MECOM: variants seen among roughly 807,000 people sequenced by gnomAD.
MECOM encodes histone-lysine N-methyltransferase MECOM.
A neutral mutation model predicts 116.3 loss-of-function variants in MECOM; 13 were observed. That is an observed-to-expected ratio of 0.11 (90% CI 0.07 to 0.18). MECOM has a LOEUF of 0.18. MECOM is among the 10% of genes least tolerant of loss of function. The pLI is 1.00. For synonymous variants in MECOM, 528 were observed against 535.2 expected (o/e 0.99, Z 0.19); for missense variants, 1,299 against 1,509.0 (o/e 0.86, Z 2.31).
intron 1 of MECOM, among the ~76,000 whole-genome samples, chr3:169,575,093 A>G (rs1203690294): frequency 6.6e-6 from 1 of 152,178 alleles, no homozygotes; most frequent in Non-Finnish European, 1.5e-5. Flanking sequence ...TGGCCTTTGT[A>G]CTAAGGGAAA....
chr3:169,406,643 G>A (rs759662868), intron 1 of MECOM, among the ~76,000 whole-genome samples: 9 of 151,974 alleles, frequency 5.9e-5, no homozygotes, highest in African/African-American at 1.5e-4. Context: ...ACTCTCTTAC[G>A]CATTTTACAT....
intron 1 of MECOM, among the ~76,000 whole-genome samples, chr3:169,433,639 G>GAAAGAAAGAAAGAAAGAAAGAAAGAA (rs1553851603): frequency 7.9e-6 from 1 of 126,952 alleles, no homozygotes. Flanking sequence ...GAAAGAGAAA[G>GAAAGAAAGAAAGAAAGAAAGAAAGAA]AGAAAGAAAG....
chr3:169,556,647 C>T (rs1481436621), intron 1 of MECOM, among the ~76,000 whole-genome samples: 1 of 152,102 alleles, frequency 6.6e-6, no homozygotes, highest in African/African-American at 2.4e-5. Context: ...CAGTGTGTGA[C>T]CCAGAGACAA....
At chr3:169,438,547 G>A (rs1051583521) in intron 1 of MECOM, among the ~76,000 whole-genome samples, 3 of 152,188 alleles carry the variant, frequency 2.0e-5, no homozygotes, top group African/African-American at 7.2e-5. Flanking sequence ...ATTCCCATCA[G>A]TCATTTGTTG....
intron 1 of MECOM, among the ~76,000 whole-genome samples, chr3:169,406,355 T>C (rs182042214): frequency 1.3e-5 from 2 of 152,336 alleles, no homozygotes; most frequent in Admixed American, 6.5e-5. Flanking sequence ...AATTACTGAA[T>C]GCAGAGAGCC....
intron 1 of MECOM, among the ~76,000 whole-genome samples, chr3:169,497,653 C>T (rs941465502): frequency 1.3e-5 from 2 of 152,170 alleles, no homozygotes; most frequent in African/African-American, 4.8e-5. Context: ...ACACAGCTCC[C>T]GGCCAGTTTT....
At chr3:169,259,122 T>C (rs537020824) in intron 2 of MECOM, among the ~76,000 whole-genome samples, 1 of 152,316 alleles carries the variant, frequency 6.6e-6, no homozygotes, top group South Asian at 2.1e-4. Flanking sequence ...AGTTGTATTA[T>C]ATTTAACAGA....
intron 1 of MECOM, among the ~76,000 whole-genome samples, chr3:169,638,020 A>G (rs1773023518): frequency 6.6e-6 from 1 of 152,250 alleles, no homozygotes. Context: ...CTCATCAAGG[A>G]TGTCTCTCTG....
chr3:169,259,954 C>T (rs1399471073), intron 2 of MECOM, among the ~76,000 whole-genome samples: 2 of 152,084 alleles, frequency 1.3e-5, no homozygotes, highest in Non-Finnish European at 2.9e-5. Context: ...GACCCAGTTT[C>T]CTCCCCTGCA....
intron 1 of MECOM, among the ~76,000 whole-genome samples, chr3:169,610,612 T>G (rs1016712377): frequency 6.6e-6 from 1 of 151,996 alleles, no homozygotes; most frequent in East Asian, 1.9e-4. Flanking sequence ...GTAAGTATAA[T>G]AGATATTTCT....
At chr3:169,194,099 A>G (rs1667362868) in intron 2 of MECOM, among the ~76,000 whole-genome samples, 1 of 152,080 alleles carries the variant, frequency 6.6e-6, no homozygotes, top group Non-Finnish European at 1.5e-5. Flanking sequence ...AATGTAGCTT[A>G]TAAAATCAGT....
intron 2 of MECOM, among the ~76,000 whole-genome samples, chr3:169,163,207 A>AT (rs990996609): frequency 1.1e-4 from 16 of 152,064 alleles, no homozygotes; most frequent in Middle Eastern, 6.8e-3. Context: ...ATATCCATTC[A>AT]TTTTTTTTCT....
chr3:169,388,487 A>AT (rs1402142307), intron 1 of MECOM, among the ~76,000 whole-genome samples: 1 of 152,222 alleles, frequency 6.6e-6, no homozygotes, highest in Non-Finnish European at 1.5e-5. Context: ...AGATAATGAA[A>AT]TTTAAGATCC....
At chr3:169,094,578 C>G (rs1720909816) in intron 13 of MECOM, among the ~76,000 whole-genome samples, 1 of 152,170 alleles carries the variant, frequency 6.6e-6, no homozygotes, top group Non-Finnish European at 1.5e-5. Context: ...ATGGGTTGCT[C>G]TGATCATGTC....
intron 1 of MECOM, among the ~76,000 whole-genome samples, chr3:169,660,738 G>T (rs80267215): frequency 6.6e-6 from 1 of 152,252 alleles, no homozygotes; most frequent in East Asian, 1.9e-4. Flanking sequence ...CACCGCAGGG[G>T]TCACCAACCA....
intron 2 of MECOM, among the ~76,000 whole-genome samples, chr3:169,279,851 C>T (rs1711554305): frequency 6.6e-6 from 1 of 152,160 alleles, no homozygotes; most frequent in African/African-American, 2.4e-5. Flanking sequence ...CCCCCTTTGG[C>T]TATTGTCGTT....
At chr3:169,363,350 C>T (rs1393095750) in intron 2 of MECOM, among the ~76,000 whole-genome samples, 4 of 151,910 alleles carry the variant, frequency 2.6e-5, no homozygotes, top group Admixed American at 1.3e-4. Flanking sequence ...CCTGTGAAGG[C>T]TATATTTGTC....
At chr3:169,512,380 A>G (rs1245611778) in intron 1 of MECOM, among the ~76,000 whole-genome samples, 4 of 152,188 alleles carry the variant, frequency 2.6e-5, no homozygotes, top group African/African-American at 9.6e-5. Context: ...ACTTAGCCCT[A>G]TCTCCTCACA....
At chr3:169,574,529 C>A (rs1328560057) in intron 1 of MECOM, among the ~76,000 whole-genome samples, 1 of 152,156 alleles carries the variant, frequency 6.6e-6, no homozygotes, top group African/African-American at 2.4e-5. Flanking sequence ...ACTTACAATG[C>A]TTAGTATTCT....
Sources: gnomAD v4.1 joint callset for allele counts (sites outside exome capture counted in the v4.1 genomes callset) on GRCh38, gnomAD v4.1.1 for gene constraint, MANE v1.5 for transcripts, NCBI Gene and HGNC (gene_info 2026-07-23, HGNC 2026-07-21) for gene names.